DERA: variants seen among roughly 807,000 people sequenced by gnomAD.
DERA encodes 2-deoxy-D-ribose 5-phosphate aldolase.
In DERA, 15 loss-of-function variants were observed where a neutral mutation model predicts 41.1. That is an observed-to-expected ratio of 0.37 (90% CI 0.24 to 0.56). The LOEUF is 0.56. DERA is among the 20% of genes least tolerant of loss of function. DERA has a pLI of 0.81. For synonymous variants in DERA, 139 were observed against 137.4 expected (o/e 1.01, Z -0.08); for missense variants, 396 against 403.4 (o/e 0.98, Z 0.16).
chr12:15,950,191 TA>T (rs1429668812), intron 1 of DERA, among the ~76,000 whole-genome samples: 1 of 152,218 alleles, frequency 6.6e-6, no homozygotes, highest in South Asian at 2.1e-4. Context: ...AGTAAGGGAA[TA>T]AAAGAATGGT....
chr12:15,912,762 C>T (rs1325872720), intron 1 of DERA, among the ~76,000 whole-genome samples: 1 of 152,118 alleles, frequency 6.6e-6, no homozygotes, highest in African/African-American at 2.4e-5. Flanking sequence ...GTCCTTTTCG[C>T]CCTCCTTAAA....
Position 16,012,858 on chromosome 12 carries a change from TAATA to T in DERA, c.638-19680_638-19677del, listed in dbSNP as rs1353892054. On this transcript the variant is annotated intron_variant, in intron 6 of 8. Coordinates refer to ENST00000428559, the MANE Select transcript of DERA (RefSeq NM_015954.4). The surrounding 1 kb of genome is among the most constrained non-coding windows in gnomAD (Gnocchi z 4.1). ...GGTGAAACAGTAATTATATTTTATT[TAATA>T]AATCTGCAATATATCATTTTAATGT... Among the ~76,000 whole-genome samples, 1 of 152,222 alleles carries T rather than the reference TAATA, an allele frequency of 6.6e-6. No individual in the cohort carries two copies. The highest frequency in any genetic ancestry group is 1.5e-5 in the Non-Finnish European group (1 of 68,038).
At chr12:15,986,683 G>A (rs1948766411) in intron 6 of DERA, among the ~76,000 whole-genome samples, 1 of 151,284 alleles carries the variant, frequency 6.6e-6, no homozygotes, top group Non-Finnish European at 1.5e-5. Flanking sequence ...ACAATGATAC[G>A]AATTTTTAAC....
intron 1 of DERA, among the ~76,000 whole-genome samples, chr12:15,948,812 T>C (rs970554639): frequency 6.6e-6 from 1 of 152,188 alleles, no homozygotes; most frequent in African/African-American, 2.4e-5. Flanking sequence ...GCTCTGTTTT[T>C]CCCCCATCTT....
At position 15,943,178 on chromosome 12, in the gene DERA, T is replaced by A. The variant is rs1277913265; in HGVS notation, c.32-13758T>A. 6.6e-6 allele frequency among the ~76,000 whole-genome samples: 1 copy of A among 152,192 alleles called. No individual in the cohort carries two copies. Among genetic ancestry groups the A allele is most frequent in the African/African-American group, 2.4e-5 (1 of 41,458 alleles). ...CTTTGAATTTTGTGCTTTGTGAATC[T>A]TACAGATGCTTCTGAATCTTTGACT... On this transcript the variant is annotated intron_variant, in intron 1 of 8. Transcript: ENST00000428559. The surrounding 1 kb of genome is among the most constrained non-coding windows in gnomAD (Gnocchi z 4.5).
chr12:16,006,069 C>T (rs1311920451), intron 6 of DERA, among the ~76,000 whole-genome samples: 4 of 152,204 alleles, frequency 2.6e-5, no homozygotes, highest in Admixed American at 2.6e-4. Flanking sequence ...AAGGATGTAA[C>T]ACGTTCAGCA....
chr12:15,938,086 C>A lies in DERA; in HGVS notation c.32-18850C>A, dbSNP rs968772598. ...GCCAGGGCCTGATAGACAATGAACA[C>A]CTAAATATTTATTTACTGACTTGGG... On this transcript the variant is annotated intron_variant, in intron 1 of 8. Coordinates refer to ENST00000428559, the MANE Select transcript of DERA (RefSeq NM_015954.4). The surrounding 1 kb of genome is among the most constrained non-coding windows in gnomAD (Gnocchi z 4.1). 6.6e-6 allele frequency among the ~76,000 whole-genome samples: 1 copy of A among 152,060 alleles called. No individual in the cohort carries two copies. The highest frequency in any genetic ancestry group is 1.5e-5 in the Non-Finnish European group (1 of 68,026).
chr12:15,936,937 T>TCCCGTCCCGTCCCGTCCC lies in DERA; in HGVS notation c.32-19999_32-19998insCCCGTCCCGTCCCGTCCC, dbSNP rs1565588734. ...TGTCCTGTCCTGTCCTGTCCTGTCT[T>TCCCGTCCCGTCCCGTCCC]GTCCTGTCCCGTCCTGTCCTGCCCT... On this transcript the variant is annotated intron_variant, in intron 1 of 8. Transcript: ENST00000428559. This position sits in a 1 kb window ranked among gnomAD's most constrained non-coding sequence, Gnocchi z 4.6. Among the ~76,000 whole-genome samples, 123 of 130,974 alleles carry TCCCGTCCCGTCCCGTCCC rather than the reference T, an allele frequency of 9.4e-4. 1 individual carries two copies. The highest frequency in any genetic ancestry group is 3.9e-3 in the African/African-American group (109 of 27,622). The allele number at this position is 130,974 out of a possible 152,430, so 85.9% of individuals were successfully genotyped here. A position where few individuals can be genotyped will look rare whatever the true frequency, so the allele number is the denominator to read the frequency against.
rs978255225 is a variant in DERA at position 16,021,067 on chromosome 12, G to T, written c.638-11475G>T. On this transcript the variant is annotated intron_variant, in intron 6 of 8. Transcript: ENST00000428559. The surrounding 1 kb of genome is among the most constrained non-coding windows in gnomAD (Gnocchi z 5.3). ...AGAGAAGGAATTCAAGCAGGCTGTG[G>T]AGCAACTGCTTGCTAGAGAGATTAG... 6.6e-6 allele frequency among the ~76,000 whole-genome samples: 1 copy of T among 152,256 alleles called. No homozygotes were observed. Among genetic ancestry groups the T allele is most frequent in the African/African-American group, 2.4e-5 (1 of 41,474 alleles).
Position 15,988,879 on chromosome 12 carries a change from C to T in DERA, c.637+6443C>T, listed in dbSNP as rs1948783581. ...TTGGCCTTTCTCCTATGCTTGTTGT[C>T]GCCCAAAGTCCAGAGGGGGCCAAGG... On this transcript the variant is annotated intron_variant, in intron 6 of 8. Coordinates refer to ENST00000428559, the MANE Select transcript of DERA (RefSeq NM_015954.4). The surrounding 1 kb of genome is among the most constrained non-coding windows in gnomAD (Gnocchi z 6.0). Among the ~76,000 whole-genome samples, 1 of 152,222 alleles carries T rather than the reference C, an allele frequency of 6.6e-6. No individual in the cohort carries two copies. The highest frequency in any genetic ancestry group is 2.1e-4 in the South Asian group (1 of 4,830).
rs2136152520 is a variant in DERA, at chr12:15,966,947, T to G, written c.508+4000T>G. Among the ~76,000 whole-genome samples, 1 of 152,252 alleles carries G rather than the reference T, an allele frequency of 6.6e-6. No individual in the cohort carries two copies. The highest frequency in any genetic ancestry group is 3.4e-3 in the Middle Eastern group (1 of 294). ...GGGCCACCTGCTCCAGAACTCGTAT[T>G]CCGTTGTATCACTACACCATGTTGC... On this transcript the variant is annotated intron_variant, in intron 5 of 8. Transcript: ENST00000428559. This position sits in a 1 kb window ranked among gnomAD's most constrained non-coding sequence, Gnocchi z 5.1.
chr12:15,920,221 G>T (rs545876453), intron 1 of DERA, among the ~76,000 whole-genome samples: 1 of 152,156 alleles, frequency 6.6e-6, no homozygotes, highest in East Asian at 1.9e-4. Flanking sequence ...CACTTATAAG[G>T]CTACCTCTTT....
chr12:15,997,830 CT>C (rs1420114400), intron 6 of DERA, among the ~76,000 whole-genome samples: 2 of 152,192 alleles, frequency 1.3e-5, no homozygotes, highest in Admixed American at 6.5e-5. Flanking sequence ...AATTCATTGC[CT>C]TTTCCCCATT....
intron 6 of DERA, among the ~76,000 whole-genome samples, chr12:16,002,901 C>T (rs776928726): frequency 2.6e-5 from 4 of 152,154 alleles, no homozygotes; most frequent in African/African-American, 4.8e-5. Context: ...CTGAAATACC[C>T]TGGAGAGTTG....
chr12:15,986,205 C>T (rs1948763414), intron 6 of DERA, among the ~76,000 whole-genome samples: 2 of 151,922 alleles, frequency 1.3e-5, no homozygotes, highest in Admixed American at 6.6e-5. Flanking sequence ...ATATTTTTTT[C>T]CATCTTTTTA....
rs749219479 is a variant in DERA at position 15,988,205 on chromosome 12, C to T, written c.637+5769C>T. On this transcript the variant is annotated intron_variant, in intron 6 of 8. Coordinates refer to ENST00000428559, the MANE Select transcript of DERA (RefSeq NM_015954.4). The surrounding 1 kb of genome is among the most constrained non-coding windows in gnomAD (Gnocchi z 6.0). ...AGGGCCGCAGCTCCTTCTTCCTTCT[C>T]GTTACCTGCAATGTGGTGAGTCGGG... Among the ~76,000 whole-genome samples the T allele has an allele frequency of 6.6e-6, 1 of 152,176 alleles. No homozygotes were observed. The highest frequency in any genetic ancestry group is 1.9e-4 in the East Asian group (1 of 5,182).
chr12:15,924,238 G>A lies in DERA; in HGVS notation c.31+12824G>A, dbSNP rs140845687. Among the ~76,000 whole-genome samples the A allele has an allele frequency of 2.9e-3, 442 of 152,216 alleles. 1 individual carries two copies. The highest frequency in any genetic ancestry group is 8.8e-3 in the African/African-American group (366 of 41,518). On this transcript the variant is annotated intron_variant, in intron 1 of 8. Coordinates refer to ENST00000428559, the MANE Select transcript of DERA (RefSeq NM_015954.4). This position sits in a 1 kb window ranked among gnomAD's most constrained non-coding sequence, Gnocchi z 5.0. ...AGCCCAGGAGTTTGAGATTAGCCTG[G>A]GCAATATAGCAGACTCCAACAAAAA...
At chr12:15,942,555 T>G (rs1285828248) in intron 1 of DERA, among the ~76,000 whole-genome samples, 1 of 152,222 alleles carries the variant, frequency 6.6e-6, no homozygotes, top group Non-Finnish European at 1.5e-5. Flanking sequence ...GAGATGGGGA[T>G]CCAATTTCAT....
chr12:15,946,927 CT>C (rs1948455383), intron 1 of DERA, among the ~76,000 whole-genome samples: 2 of 152,196 alleles, frequency 1.3e-5, no homozygotes, highest in South Asian at 4.1e-4. Context: ...TATGTTATAA[CT>C]TTGTTCTCAT....
Sources: allele counts gnomAD v4.1 joint callset (sites outside exome capture counted in the v4.1 genomes callset), GRCh38; gene constraint gnomAD v4.1.1; non-coding constraint Gnocchi (gnomAD v3.1); transcripts MANE v1.5; gene names NCBI Gene and HGNC (gene_info 2026-07-23, HGNC 2026-07-21).